TDRP: variants seen among roughly 807,000 people sequenced by gnomAD.
The protein encoded by TDRP is testis development related protein, also known as testis development-related protein.
TDRP carries 12 observed loss-of-function variants against 10.5 expected under a neutral mutation model. The ratio of observed to expected loss-of-function variants is 1.15; its 90% CI spans 0.73 to 1.86. The LOEUF is 1.86. TDRP is among the 40% of genes most tolerant of loss of function. The probability of loss-of-function intolerance (pLI) is 0.00; values close to 1 mark genes in which losing one functional copy is unlikely to be tolerated. For missense variants in TDRP, 353 were observed against 229.2 expected, an observed-to-expected ratio of 1.54 and a Z score of -3.49; for synonymous variants, 139 against 95.4, an observed-to-expected ratio of 1.46 and a Z score of -2.67.
chr8:532,098 T>G (rs1802216701), intron 1 of TDRP, among the ~76,000 whole-genome samples: 1 of 152,208 alleles, frequency 6.6e-6, no homozygotes, highest in South Asian at 2.1e-4. Context: ...GTTCTTGCCT[T>G]TAATTCCTCT....
chr8:514,749 C>G (rs1331979629), intron 1 of TDRP, among the ~76,000 whole-genome samples: 1 of 152,028 alleles, frequency 6.6e-6, no homozygotes, highest in Non-Finnish European at 1.5e-5. Flanking sequence ...TTTTTGCATT[C>G]CAGCTCTATA....
chr8:492,893 T>C, intron 2 of TDRP, 149 bp from the exon 3 acceptor site: 2 of 711,544 alleles, frequency 2.8e-6, no homozygotes, highest in Non-Finnish European at 4.4e-6. Context: ...AATATTAAAA[T>C]TAAGGAAAAA....
chr8:529,602 TGTTC>T (rs1802131298), intron 1 of TDRP, among the ~76,000 whole-genome samples: 1 of 152,210 alleles, frequency 6.6e-6, no homozygotes, highest in African/African-American at 2.4e-5. Flanking sequence ...GGTCTTTATT[TGTTC>T]ATTTTTGAAA....
At chr8:493,290 C>T (rs113529147) in intron 2 of TDRP, among the ~76,000 whole-genome samples, 11 of 152,336 alleles carry the variant, frequency 7.2e-5, no homozygotes, top group African/African-American at 2.2e-4. Context: ...CCTGACTGTC[C>T]GCGAGCATCA....
At position 501,033 on chromosome 8, in the gene TDRP, C is replaced by T. The variant is rs191077712; in HGVS notation, c.109-6436G>A. On this transcript the variant is annotated intron_variant, in intron 1 of 2. Transcript: ENST00000324079. ...CATCCTGGCTAACACGGTGAAACCC[C>T]GTCTCTACTAAAAATACAAAAATTA... Among the ~76,000 whole-genome samples the T allele has an allele frequency of 2.9e-3, 446 of 152,118 alleles. 4 individuals are homozygous for T. The highest frequency in any genetic ancestry group is 0.01 in the African/African-American group (431 of 41,546).
At chr8:496,964 T>C (rs537401767) in intron 1 of TDRP, among the ~76,000 whole-genome samples, 25 of 152,370 alleles carry the variant, frequency 1.6e-4, no homozygotes, top group Admixed American at 1.1e-3. Flanking sequence ...GACTGTAAGT[T>C]TCCTAGGCCT....
At chr8:533,258 C>T (rs1426617507) in intron 1 of TDRP, among the ~76,000 whole-genome samples, 1 of 152,204 alleles carries the variant, frequency 6.6e-6, no homozygotes, top group East Asian at 1.9e-4. Flanking sequence ...TGCTGGGCTC[C>T]TCAACTCTGG....
At chr8:542,537 T>C (rs1179821565) in intron 1 of TDRP, among the ~76,000 whole-genome samples, 2 of 148,900 alleles carry the variant, frequency 1.3e-5, no homozygotes, top group Admixed American at 6.6e-5. Context: ...TCTATTAAAG[T>C]TTTTTCCCCC....
intron 1 of TDRP, among the ~76,000 whole-genome samples, chr8:499,025 G>C (rs911254483): frequency 1.5e-4 from 23 of 152,108 alleles, no homozygotes; most frequent in Admixed American, 1.5e-3. Flanking sequence ...AAATTACCCA[G>C]TCTCAGGTAG....
chr8:502,613 C>T lies in TDRP; in HGVS notation c.109-8016G>A, dbSNP rs892233961. On this transcript the variant is annotated intron_variant, in intron 1 of 2. Coordinates refer to ENST00000324079, the MANE Select transcript of TDRP (RefSeq NM_001384899.1). ...CTACGCCTACCTCAGCACGTGTCAA[C>T]ATGGAATCCAGAGCCACACACTGGA... Among the ~76,000 whole-genome samples, 2 of 152,236 alleles carry T rather than the reference C, an allele frequency of 1.3e-5. 1 individual carries two copies. Among genetic ancestry groups the T allele is most frequent in the South Asian group, 4.1e-4 (2 of 4,834 alleles).
At chr8:494,145 T>C (rs148656521) in intron 2 of TDRP, among the ~76,000 whole-genome samples, 5,480 of 150,672 alleles carry the variant, frequency 0.036, 125 homozygotes, top group Non-Finnish European at 0.046. Context: ...TTTTTTTTAG[T>C]ATAGACGGGG....
chr8:544,209 A>G (rs1802575094), intron 1 of TDRP, among the ~76,000 whole-genome samples: 1 of 152,066 alleles, frequency 6.6e-6, no homozygotes, highest in South Asian at 2.1e-4. Flanking sequence ...ATGCGCGATG[A>G]TTCAGGCCTT....
intron 1 of TDRP, among the ~76,000 whole-genome samples, chr8:504,327 G>C (rs1209159635): frequency 6.6e-6 from 1 of 152,184 alleles, no homozygotes; most frequent in South Asian, 2.1e-4. Context: ...GCTCCAGACA[G>C]CATGTTTTGG....
intron 1 of TDRP, among the ~76,000 whole-genome samples, chr8:500,288 C>A (rs1391583088): frequency 1.3e-5 from 2 of 152,122 alleles, no homozygotes; most frequent in South Asian, 4.1e-4. Flanking sequence ...AAAATTATTC[C>A]TGTTAGGTTA....
At chr8:529,269 T>A (rs1345128226) in intron 1 of TDRP, among the ~76,000 whole-genome samples, 1 of 152,168 alleles carries the variant, frequency 6.6e-6, no homozygotes, top group Non-Finnish European at 1.5e-5. Context: ...CCCCTAAATA[T>A]ACACACCTAC....
intron 1 of TDRP, among the ~76,000 whole-genome samples, chr8:515,321 G>A (rs192080572): frequency 6.6e-6 from 1 of 152,166 alleles, no homozygotes; most frequent in Non-Finnish European, 1.5e-5. Flanking sequence ...TTAAAACTAT[G>A]AGTATATACA....
intron 1 of TDRP, among the ~76,000 whole-genome samples, chr8:506,440 C>T (rs572073074): frequency 9.3e-4 from 142 of 152,138 alleles, no homozygotes; most frequent in African/African-American, 3.1e-3. Context: ...TCTCACATGC[C>T]GTCCCCAGCT....
intron 1 of TDRP, among the ~76,000 whole-genome samples, chr8:504,523 G>C (rs1801402449): frequency 6.6e-6 from 1 of 152,180 alleles, no homozygotes; most frequent in South Asian, 2.1e-4. Flanking sequence ...GATCCAGTTT[G>C]CAGAATGTTC....
At chr8:493,119 T>G (rs1355361970) in intron 2 of TDRP, among the ~76,000 whole-genome samples, 1 of 152,144 alleles carries the variant, frequency 6.6e-6, no homozygotes, top group Non-Finnish European at 1.5e-5. Flanking sequence ...TCTATTCAAT[T>G]TATCAAATAG....
Sources: allele counts gnomAD v4.1 joint callset (sites outside exome capture counted in the v4.1 genomes callset), GRCh38; gene constraint gnomAD v4.1.1; transcripts MANE v1.5; gene names NCBI Gene and HGNC (gene_info 2026-07-23, HGNC 2026-07-21).